The following UGT1A10 variants were observed in gnomAD, a reference collection of about 807,000 sequenced individuals.
The protein encoded by UGT1A10 is UDP glucuronosyltransferase family 1 member A10, also known as UDP-glucuronosyltransferase 1A10.
In UGT1A10, 49 loss-of-function variants were observed where a neutral mutation model predicts 45.8. The observed-to-expected ratio is 1.07, with a 90% confidence interval of 0.85 to 1.36. UGT1A10 has a LOEUF of 1.36. UGT1A10 is among the 40% of genes most tolerant of loss of function. The pLI is 0.00. For missense variants in UGT1A10, 745 were observed against 668.6 expected (o/e 1.11, Z -1.26); for synonymous variants, 284 against 249.7 (o/e 1.14, Z -1.29).
chr2:233,693,756 C>T, intron 1 of UGT1A10: 1 of 1,614,248 alleles, frequency 6.2e-7, no homozygotes, highest in Admixed American at 1.7e-5. Context: ...CAGAAGGTCT[C>T]TGTTTGGCTG....
At chr2:233,639,895 G>GA (rs1443800728) in intron 1 of UGT1A10, among the ~76,000 whole-genome samples, 1 of 152,160 alleles carries the variant, frequency 6.6e-6, no homozygotes, top group Non-Finnish European at 1.5e-5. Flanking sequence ...GCAGAACATT[G>GA]AAATAGTTTT....
Position 233,769,697 on chromosome 2 carries a change from A to G in UGT1A10, c.1295+1258A>G. 6.5e-7 allele frequency: 1 copy of G among 1,535,580 alleles called. No individual in the cohort carries two copies. Among genetic ancestry groups the G allele is most frequent in the South Asian group, 1.2e-5 (1 of 80,726 alleles). On this transcript the variant is annotated intron_variant, in intron 4 of 4. Coordinates refer to ENST00000344644, the MANE Select transcript of UGT1A10 (RefSeq NM_019075.4). This position sits in a 1 kb window ranked among gnomAD's most constrained non-coding sequence, Gnocchi z 4.4. ...TGTGTGTGTGGTGGCACTGGATAAAAGATCAATGTTGGCTAGGCACCATGG... is the reference window on the plus strand; with the variant it reads ...TGTGTGTGTGGTGGCACTGGATAAAGGATCAATGTTGGCTAGGCACCATGG...
At chr2:233,761,622 G>A (rs1417511901) in intron 1 of UGT1A10, among the ~76,000 whole-genome samples, 3 of 152,238 alleles carry the variant, frequency 2.0e-5, no homozygotes, top group Non-Finnish European at 4.4e-5. Flanking sequence ...CTGATAAGAA[G>A]CTAAATCCTG....
At position 233,772,309 on chromosome 2, in the gene UGT1A10, CGGTG is replaced by C. The variant is rs768601491; in HGVS notation, c.1345_1348del (p.Val449SerfsTer13). On this transcript the variant is annotated frameshift_variant, in exon 5 of 5. Transcript: ENST00000344644. LOFTEE classifies it high-confidence loss of function. ...CTCTCCAGCCTTCACAAGGACCGCCCGGTGGAGCCGCTGGACCTGGCCGTGTTCT... is the reference window on the plus strand; with the variant it reads ...CTCTCCAGCCTTCACAAGGACCGCCCGAGCCGCTGGACCTGGCCGTGTTCT... 1.9e-6 allele frequency: 3 copies of C among 1,614,206 alleles called. No individual in the cohort carries two copies. The highest frequency in any genetic ancestry group is 2.5e-6 in the Non-Finnish European group (3 of 1,180,052).
chr2:233,748,015 C>T lies in UGT1A10; in HGVS notation c.856-19019C>T, dbSNP rs746722710. ...GACTTTGTGATGGATTACCCCAGGC[C>T]GATCATGCCCAACATGGTCTTCATT... is the stretch of plus-strand genomic sequence containing the variant. On this transcript the variant is annotated intron_variant, in intron 1 of 4. Coordinates refer to ENST00000344644, the MANE Select transcript of UGT1A10 (RefSeq NM_019075.4). The T allele has an allele frequency of 4.5e-4, 728 of 1,613,308 alleles. 4 individuals carry two copies. Among genetic ancestry groups the T allele is most frequent in the Middle Eastern group, 6.6e-4 (4 of 6,082 alleles).
At chr2:233,743,086 T>C (rs926867030) in intron 1 of UGT1A10, 1 of 346,580 alleles carries the variant, frequency 2.9e-6, no homozygotes, top group African/African-American at 2.2e-5. Context: ...GAAGTGTTTA[T>C]AAATTCTTGG....
At chr2:233,733,982 G>A (rs1360923030) in intron 1 of UGT1A10, among the ~76,000 whole-genome samples, 2 of 152,070 alleles carry the variant, frequency 1.3e-5, no homozygotes, top group Non-Finnish European at 2.9e-5. Flanking sequence ...GGGAGGGATA[G>A]CATTAGGAGA....
intron 1 of UGT1A10, among the ~76,000 whole-genome samples, chr2:233,675,628 T>G (rs879731029): frequency 6.6e-6 from 1 of 152,198 alleles, no homozygotes; most frequent in African/African-American, 2.4e-5. Context: ...TTACTTCAAG[T>G]TTTTATTTTC....
At chr2:233,662,540 G>C (rs2073997223) in intron 1 of UGT1A10, among the ~76,000 whole-genome samples, 1 of 152,154 alleles carries the variant, frequency 6.6e-6, no homozygotes, top group African/African-American at 2.4e-5. Context: ...TTGTTGTAGA[G>C]TTTGTTGGAA....
intron 1 of UGT1A10, chr2:233,721,927 A>G: frequency 2.6e-6 from 1 of 391,754 alleles, no homozygotes. Context: ...ATAAAGTGAC[A>G]TCCTTCAGAC....
intron 1 of UGT1A10, among the ~76,000 whole-genome samples, chr2:233,680,000 CTTTT>C (rs1404086199): frequency 6.6e-6 from 1 of 152,136 alleles, no homozygotes; most frequent in Non-Finnish European, 1.5e-5. Flanking sequence ...CTTTTCTTCT[CTTTT>C]CTTTCTTTCT....
At position 233,637,346 on chromosome 2, in the gene UGT1A10, T is replaced by C; in HGVS notation, c.824T>C (p.Ile275Thr). ...CCCAACATGATCTTCATTGGTGGTA[T>C]CAACTGTCATCAGGGAAAGCCATTG... ...VMPNMIFIGG[I>T]NCHQGKPLPM... The change falls in exon 1 of 5, where the codon ATC becomes ACC. Residue 275 changes from isoleucine to threonine, a missense_variant. By Grantham distance (89) the Ile-to-Thr change is moderately conservative. Coordinates refer to ENST00000344644, the MANE Select transcript of UGT1A10 (RefSeq NM_019075.4). The C allele has an allele frequency of 6.2e-7, 1 of 1,613,834 alleles. No homozygotes were observed. The highest frequency in any genetic ancestry group is 1.1e-5 in the South Asian group (1 of 91,056).
intron 1 of UGT1A10, among the ~76,000 whole-genome samples, chr2:233,657,820 C>G (rs1368220770): frequency 6.6e-6 from 1 of 152,112 alleles, no homozygotes; most frequent in Non-Finnish European, 1.5e-5. Context: ...ATGTTCAGGT[C>G]TATGCCACTT....
chr2:233,744,110 C>T, intron 1 of UGT1A10: 1 of 393,860 alleles, frequency 2.5e-6, no homozygotes, highest in Non-Finnish European at 4.6e-6. Flanking sequence ...ACTGGCCCTG[C>T]TCTCTGTGAG....
intron 1 of UGT1A10, among the ~76,000 whole-genome samples, chr2:233,645,410 C>T (rs560349936): frequency 1.1e-4 from 16 of 152,290 alleles, no homozygotes; most frequent in Non-Finnish European, 7.4e-5. Context: ...CCAACAGTCC[C>T]GCAAAGTCTC....
intron 1 of UGT1A10, chr2:233,730,138 A>G (rs1337781035): frequency 1.2e-5 from 19 of 1,525,120 alleles, no homozygotes; most frequent in African/African-American, 8.3e-5. Flanking sequence ...CTTCAGTGAG[A>G]TAAACTGTTA....
chr2:233,743,312 T>A, intron 1 of UGT1A10: 2 of 657,664 alleles, frequency 3.0e-6, no homozygotes, highest in South Asian at 1.5e-5. Context: ...TTGGTGGTGA[T>A]TTTTTTACCA....
chr2:233,649,667 A>T (rs2073691560), intron 1 of UGT1A10, among the ~76,000 whole-genome samples: 1 of 152,220 alleles, frequency 6.6e-6, no homozygotes. Context: ...TTTGGATGCA[A>T]CATAGACACA....
chr2:233,702,713 T>C (rs928931603), intron 1 of UGT1A10, among the ~76,000 whole-genome samples: 3 of 152,216 alleles, frequency 2.0e-5, no homozygotes, highest in African/African-American at 2.4e-5. Context: ...TCTGTGTCTA[T>C]TGAAATGAAC....
Sources: allele counts gnomAD v4.1 joint callset (sites outside exome capture counted in the v4.1 genomes callset), GRCh38; gene constraint gnomAD v4.1.1; non-coding constraint Gnocchi (gnomAD v3.1); transcripts MANE v1.5; gene names NCBI Gene and HGNC (gene_info 2026-07-23, HGNC 2026-07-21).